Variants in TLK1 observed in about 807,000 individuals in gnomAD.
The protein encoded by TLK1 is tousled like kinase 1.
Under a neutral mutation model 105.3 loss-of-function variants are expected in TLK1, and 24 were observed. That is an observed-to-expected ratio of 0.23 (90% CI 0.17 to 0.32). The LOEUF (loss-of-function observed/expected upper bound fraction) is 0.32, where lower values mean the gene tolerates loss of function less well. Ranked by LOEUF, TLK1 falls within the 10% of genes least tolerant of loss-of-function variation. The pLI, the probability that TLK1 is intolerant of heterozygous loss-of-function variation, is 1.00. For synonymous variants in TLK1, 321 were observed against 310.4 expected (o/e 1.03, Z -0.36); for missense variants, 558 against 910.5 (o/e 0.61, Z 4.98).
intron 18 of TLK1, among the ~76,000 whole-genome samples, chr2:171,001,442 C>T (rs1445825364): frequency 6.6e-6 from 1 of 152,180 alleles, no homozygotes; most frequent in East Asian, 1.9e-4. Context: ...GGATAAAGCA[C>T]TGATGGAACC....
chr2:171,056,909 G>A (rs1687529866), intron 5 of TLK1, among the ~76,000 whole-genome samples: 1 of 151,910 alleles, frequency 6.6e-6, no homozygotes, highest in South Asian at 2.1e-4. Context: ...CCCTACAAAT[G>A]TTTATTGAGC....
intron 18 of TLK1, among the ~76,000 whole-genome samples, chr2:170,999,850 C>T (rs994969008): frequency 2.6e-5 from 4 of 152,040 alleles, no homozygotes; most frequent in African/African-American, 9.7e-5. Context: ...CCTCGATCTC[C>T]AAGCCTCAAG....
chr2:171,040,081 T>C (rs1207383100), intron 11 of TLK1, among the ~76,000 whole-genome samples: 1 of 151,252 alleles, frequency 6.6e-6, no homozygotes, highest in Admixed American at 6.6e-5. Context: ...CATACTGTAA[T>C]AGAGAAAAAG....
intron 2 of TLK1, among the ~76,000 whole-genome samples, chr2:171,092,509 C>A (rs1187664246): frequency 1.3e-5 from 2 of 152,166 alleles, no homozygotes; most frequent in African/African-American, 4.8e-5. Flanking sequence ...GCTGCCATCT[C>A]CCCAAATATC....
At chr2:171,224,288 T>A (rs906686883) in intron 1 of TLK1, among the ~76,000 whole-genome samples, 1 of 152,232 alleles carries the variant, frequency 6.6e-6, no homozygotes, top group Non-Finnish European at 1.5e-5. Flanking sequence ...AGTTATCTAT[T>A]CTGTTCCATT....
intron 12 of TLK1, among the ~76,000 whole-genome samples, chr2:171,015,702 T>TAC (rs1007413316): frequency 0.24 from 1,387 of 5,786 alleles, 24 homozygotes; most frequent in South Asian, 0.34. Flanking sequence ...CACACACATA[T>TAC]ACACACACAC....
At chr2:171,000,440 A>C (rs888447331) in intron 18 of TLK1, among the ~76,000 whole-genome samples, 1 of 151,920 alleles carries the variant, frequency 6.6e-6, no homozygotes, top group Non-Finnish European at 1.5e-5. Context: ...AAGTTGACTT[A>C]CTGATAACAT....
intron 4 of TLK1, among the ~76,000 whole-genome samples, chr2:171,059,261 A>G (rs1227911742): frequency 1.3e-5 from 2 of 152,190 alleles, no homozygotes; most frequent in Admixed American, 1.3e-4. Flanking sequence ...TATTTTAATG[A>G]AGACAGATGG....
intron 1 of TLK1, among the ~76,000 whole-genome samples, chr2:171,142,203 A>G (rs943186645): frequency 6.6e-6 from 1 of 152,186 alleles, no homozygotes; most frequent in African/African-American, 2.4e-5. Flanking sequence ...ATTTGGAACA[A>G]AAAATAATAA....
At chr2:171,230,319 C>T (rs1424842205) in intron 1 of TLK1, among the ~76,000 whole-genome samples, 1 of 152,194 alleles carries the variant, frequency 6.6e-6, no homozygotes, top group African/African-American at 2.4e-5. Context: ...TATGTAGCTC[C>T]AGATACTGCC....
intron 11 of TLK1, among the ~76,000 whole-genome samples, chr2:171,030,761 T>C (rs947113014): frequency 2.0e-5 from 3 of 152,202 alleles, no homozygotes; most frequent in Admixed American, 6.5e-5. Flanking sequence ...TCTTTCTATA[T>C]AGAAATTCTG....
In TLK1 at chr2:171,017,658, C is replaced by T. The variant is rs548439362; in HGVS notation, c.1237-2710G>A. ...ATATGTATCAGCAAATTAAAGCAAG[C>T]TTTTTTTATTTTGCCTCTAAAAACA... On this transcript the variant is annotated intron_variant, in intron 12 of 20. Coordinates refer to ENST00000431350, the MANE Select transcript of TLK1 (RefSeq NM_012290.5). Among the ~76,000 whole-genome samples the T allele has an allele frequency of 7.2e-5, 11 of 152,182 alleles. No homozygotes were observed. The East Asian group carries it at 2.1e-3, about 29-fold the overall frequency.
chr2:171,027,579 G>A (rs1368587036), intron 12 of TLK1, among the ~76,000 whole-genome samples: 4 of 151,978 alleles, frequency 2.6e-5, no homozygotes, highest in African/African-American at 7.3e-5. Context: ...TCTTCTAATC[G>A]AAACATCACA....
chr2:171,165,382 C>T (rs1327131611), upstream of TLK1, among the ~76,000 whole-genome samples: 1 of 152,166 alleles, frequency 6.6e-6, no homozygotes, highest in Admixed American at 6.5e-5. Flanking sequence ...CTTCAAGGGT[C>T]TCCTGATGGA....
intron 11 of TLK1, among the ~76,000 whole-genome samples, chr2:171,031,559 TATTA>T (rs1195451787): frequency 6.6e-6 from 1 of 152,196 alleles, no homozygotes; most frequent in Non-Finnish European, 1.5e-5. Flanking sequence ...ATAGCTAAAT[TATTA>T]ATATTTTTAT....
intron 3 of TLK1, among the ~76,000 whole-genome samples, chr2:171,072,480 G>A (rs1006738843): frequency 5.9e-5 from 9 of 151,914 alleles, no homozygotes; most frequent in Non-Finnish European, 1.0e-4. Flanking sequence ...TGGGTAGGCC[G>A]GGTGCAGTGG....
chr2:171,170,342 T>C (rs1395841071), intron 1 of TLK1, among the ~76,000 whole-genome samples: 1 of 152,164 alleles, frequency 6.6e-6, no homozygotes, highest in Non-Finnish European at 1.5e-5. Context: ...AAAAGATAAA[T>C]GTCAATAGAT....
intron 12 of TLK1, among the ~76,000 whole-genome samples, chr2:171,022,212 A>C (rs1030109218): frequency 6.6e-6 from 1 of 152,014 alleles, no homozygotes; most frequent in African/African-American, 2.4e-5. Flanking sequence ...GTGTGATTAT[A>C]AATATGGAAA....
intron 1 of TLK1, among the ~76,000 whole-genome samples, chr2:171,152,263 G>A (rs1692072499): frequency 6.6e-6 from 1 of 152,166 alleles, no homozygotes; most frequent in Admixed American, 6.5e-5. Context: ...CTTATATTTG[G>A]CTAATGAATC....
Sources: allele counts gnomAD v4.1 joint callset (sites outside exome capture counted in the v4.1 genomes callset), GRCh38; gene constraint gnomAD v4.1.1; transcripts MANE v1.5; gene names NCBI Gene and HGNC (gene_info 2026-07-23, HGNC 2026-07-21).